NEK11: variants seen among roughly 807,000 people sequenced by gnomAD.
NEK11 encodes the protein serine/threonine-protein kinase Nek11.
In NEK11, 72 loss-of-function variants were observed where a neutral mutation model predicts 80.7. The observed-to-expected ratio is 0.89, with a 90% CI of 0.74 to 1.08. The LOEUF (loss-of-function observed/expected upper bound fraction) is 1.08. Among genes scored for constraint, NEK11 ranks in the 50% least tolerant of loss-of-function variants. The probability of loss-of-function intolerance (pLI) is 0.00; values close to 1 mark genes in which losing one functional copy is unlikely to be tolerated. For missense variants in NEK11, 764 were observed against 763.6 expected (o/e 1.00, Z -0.01); for synonymous variants, 251 against 260.7 (o/e 0.96, Z 0.36).
intron 17 of NEK11, among the ~76,000 whole-genome samples, chr3:131,303,229 G>A (rs1030212947): frequency 2.0e-5 from 3 of 152,136 alleles, no homozygotes; most frequent in Non-Finnish European, 4.4e-5. Flanking sequence ...GCCATTGCAT[G>A]TGAGATGGGT....
chr3:131,044,454 G>C (rs1371969976), intron 3 of NEK11, among the ~76,000 whole-genome samples: 3 of 149,352 alleles, frequency 2.0e-5, no homozygotes, highest in Non-Finnish European at 1.5e-5. Context: ...GGTGGGGGGG[G>C]GGGTTGGAAT....
In NEK11 at chr3:131,029,815, G is replaced by C; in HGVS notation, c.107G>C (p.Gly36Ala). 1 of 1,614,216 alleles carries C rather than the reference G, an allele frequency of 6.2e-7. No individual in the cohort carries two copies. Among genetic ancestry groups the C allele is most frequent in the Non-Finnish European group, 8.5e-7 (1 of 1,180,028 alleles). ...AGATACGTGCTTCAACAAAAACTTG[G>C]CAGTGGAAGTTTTGGAACTGTCTAT... Reference protein sequence around the residue: ...ARRYVLQQKLGSGSFGTVYLV... With the variant: ...ARRYVLQQKLASGSFGTVYLV... The change falls in exon 3 of 18, where the codon GGC becomes GCC. Residue 36 changes from glycine to alanine, a missense_variant. By Grantham distance (60) the Gly-to-Ala change is moderately conservative. Coordinates refer to ENST00000383366, the MANE Select transcript of NEK11 (RefSeq NM_024800.5).
At chr3:131,271,980 A>G (rs2096197657) in intron 16 of NEK11, among the ~76,000 whole-genome samples, 1 of 151,904 alleles carries the variant, frequency 6.6e-6, no homozygotes, top group Admixed American at 6.6e-5. Context: ...CACGCCTGTA[A>G]TCCCAGCTAC....
At chr3:131,168,719 C>CCTTG (rs1435283511) in intron 12 of NEK11, 111 bp from the exon 13 acceptor site, 1 of 691,890 alleles carries the variant, frequency 1.4e-6, no homozygotes, top group Non-Finnish European at 2.5e-6. Context: ...CCTATGTATA[C>CCTTG]CTTGATTAAT....
chr3:131,273,671 G>T, intron 17 of NEK11, 97 bp downstream of exon 17: 1 of 874,776 alleles, frequency 1.1e-6, no homozygotes, highest in African/African-American at 1.7e-5. Context: ...TAGTCCATTT[G>T]TGCTGCCGTG....
chr3:131,260,988 A>G (rs2095908402), intron 16 of NEK11, among the ~76,000 whole-genome samples: 1 of 152,158 alleles, frequency 6.6e-6, no homozygotes, highest in Admixed American at 6.6e-5. Context: ...CAGGGTGTTT[A>G]GCAGGGAGGG....
intron 7 of NEK11, among the ~76,000 whole-genome samples, chr3:131,136,770 C>T (rs531610312): frequency 4.6e-5 from 7 of 152,302 alleles, no homozygotes; most frequent in Admixed American, 1.3e-4. Context: ...ATGCTTTGAT[C>T]ACAGCTGATT....
chr3:131,057,038 T>G (rs1447034515), intron 3 of NEK11, among the ~76,000 whole-genome samples: 2 of 55,928 alleles, frequency 3.6e-5, no homozygotes, highest in African/African-American at 1.4e-4. Context: ...CCCTCCCCCC[T>G]CCCCCCACCC....
At chr3:131,099,651 T>A (rs909055994) in intron 4 of NEK11, among the ~76,000 whole-genome samples, 4 of 152,218 alleles carry the variant, frequency 2.6e-5, no homozygotes, top group Non-Finnish European at 4.4e-5. Context: ...CTTTCAGCAA[T>A]GTTTTATATT....
At position 131,116,219 on chromosome 3, in the gene NEK11, T is replaced by TG. The variant is rs2081203877; in HGVS notation, c.455+6299dup. 3.9e-5 allele frequency among the ~76,000 whole-genome samples: 6 copies of TG among 152,050 alleles called. No individual in the cohort carries two copies. In the South Asian group the frequency reaches 1.2e-3, roughly 32 times the overall value. ...CAGTTCTCACCTATGAGTGAGAACG[T>TG]GCAGTGTTTGGTTTTCTGTCCTTCT... On this transcript the variant is annotated intron_variant, in intron 5 of 17. Transcript: ENST00000383366.
At chr3:131,223,872 G>A (rs1254020804) in intron 14 of NEK11, among the ~76,000 whole-genome samples, 1 of 151,974 alleles carries the variant, frequency 6.6e-6, no homozygotes, top group Non-Finnish European at 1.5e-5. Context: ...ATTCCATATT[G>A]CCCATTTCAG....
chr3:131,254,294 C>A (rs1251207201), intron 16 of NEK11, among the ~76,000 whole-genome samples: 5 of 152,140 alleles, frequency 3.3e-5, no homozygotes, highest in Admixed American at 3.3e-4. Context: ...ATGTTGAAAT[C>A]TCTGTGAGAC....
In NEK11 at chr3:131,273,477, G is replaced by C. The variant is rs374964276; in HGVS notation, c.1622-1G>C. The stretch of plus-strand genomic sequence containing the variant: ...AATAAGGGCTGTGCATTGATTTTCA[G>C]ACACAAAGACCATCACCACCATGGC... On this transcript the variant is annotated splice_acceptor_variant, in intron 16 of 17. Coordinates refer to ENST00000383366, the MANE Select transcript of NEK11 (RefSeq NM_024800.5). LOFTEE classifies it high-confidence loss of function. 2 of 1,613,358 alleles carry C rather than the reference G, an allele frequency of 1.2e-6. No individual in the cohort carries two copies. The highest frequency in any genetic ancestry group is 1.7e-6 in the Non-Finnish European group (2 of 1,179,368).
chr3:131,139,600 T>G (rs2086423110), intron 7 of NEK11, among the ~76,000 whole-genome samples: 1 of 152,220 alleles, frequency 6.6e-6, no homozygotes, highest in Non-Finnish European at 1.5e-5. Flanking sequence ...ATTCATATAC[T>G]CCTGTTTTGT....
At chr3:131,330,569 T>C (rs972475914) in intron 17 of NEK11, 1 of 152,168 alleles carries the variant, frequency 6.6e-6, no homozygotes, top group Admixed American at 6.5e-5. Flanking sequence ...TGGAGGACCT[T>C]GTTAAGTTTC....
intron 14 of NEK11, among the ~76,000 whole-genome samples, chr3:131,194,143 T>C (rs2093909596): frequency 6.6e-6 from 1 of 152,356 alleles, no homozygotes; most frequent in East Asian, 1.9e-4. Context: ...TGGATTGCTC[T>C]ATGTCAGCAT....
rs6785209 is a variant in NEK11, at chr3:131,031,306, G to A, written c.170+1428G>A. ...CCTTAGAACATGCATTATGATTCCT[G>A]CTGAAAAGGATTTTTTCTCTTTAAT... On this transcript the variant is annotated intron_variant, in intron 3 of 17. Transcript: ENST00000383366. Among the ~76,000 whole-genome samples, 1,243 of 152,286 alleles carry A rather than the reference G, an allele frequency of 8.2e-3. 22 individuals are homozygous for A. Among genetic ancestry groups the A allele is most frequent in the African/African-American group, 0.028 (1,176 of 41,548 alleles).
chr3:131,065,262 T>C (rs1182352017), intron 3 of NEK11, among the ~76,000 whole-genome samples: 2 of 152,228 alleles, frequency 1.3e-5, no homozygotes, highest in African/African-American at 4.8e-5. Context: ...AAAATAAGGA[T>C]GATTCTATAT....
chr3:131,181,572 C>G (rs534872027), intron 14 of NEK11, among the ~76,000 whole-genome samples: 44 of 151,816 alleles, frequency 2.9e-4, no homozygotes, highest in Non-Finnish European at 6.3e-4. Context: ...CGATGAAACC[C>G]CATCTCTACT....
Sources: gnomAD v4.1 joint callset for allele counts (sites outside exome capture counted in the v4.1 genomes callset) on GRCh38, gnomAD v4.1.1 for gene constraint, MANE v1.5 for transcripts, NCBI Gene and HGNC (gene_info 2026-07-23, HGNC 2026-07-21) for gene names.